The following PARP9 variants were observed in gnomAD, a reference collection of about 807,000 sequenced individuals.
PARP9 encodes the protein poly(ADP-ribose) polymerase family member 9.
A neutral mutation model predicts 68.8 loss-of-function variants in PARP9; 48 were observed. The ratio of observed to expected loss-of-function variants is 0.70; its 90% confidence interval spans 0.55 to 0.89. The LOEUF (loss-of-function observed/expected upper bound fraction) is 0.89. Ranked by LOEUF, PARP9 falls within the 40% of genes least tolerant of loss-of-function variation. The pLI is 0.00. For missense variants in PARP9, 806 were observed against 969.3 expected, an observed-to-expected ratio of 0.83 and a Z score of 2.24; for synonymous variants, 309 against 333.8, an observed-to-expected ratio of 0.93 and a Z score of 0.81.
chr3:122,564,412 C>T (rs1033814925), upstream of PARP9: 2 of 1,602,262 alleles, frequency 1.2e-6, no homozygotes, highest in Non-Finnish European at 1.7e-6. Context: ...CCGCGCCCTC[C>T]CGACGCGCAG....
chr3:122,564,257 T>TC lies in PARP9; in HGVS notation c.-103dup. On this transcript the variant is annotated 5_prime_UTR_variant, in exon 1 of 11. Transcript: ENST00000682323. ...CGGACCTACTCACCCGGCAGGCCGC[T>TC]CTCCTCGGTGCAGACAGCACAGGGA... 1 of 784,954 alleles carries TC rather than the reference T, an allele frequency of 1.3e-6. No individual in the cohort carries two copies. 48.6% of individuals were successfully genotyped at this position (784,954 alleles called of 1,614,324 possible).
chr3:122,538,912 G>A (rs1020570309), intron 8 of PARP9, among the ~76,000 whole-genome samples: 1 of 151,520 alleles, frequency 6.6e-6, no homozygotes, highest in African/African-American at 2.4e-5. Flanking sequence ...CATTTATGGC[G>A]AACTCTCGCT....
intron 5 of PARP9, among the ~76,000 whole-genome samples, chr3:122,552,041 G>A (rs1009578089): frequency 4.6e-4 from 70 of 151,490 alleles, no homozygotes; most frequent in Non-Finnish European, 7.1e-4. Flanking sequence ...TCAGCCTCCC[G>A]AGTAGCTGGG....
intron 8 of PARP9, among the ~76,000 whole-genome samples, chr3:122,539,516 T>TTTCC (rs1180104625): frequency 8.4e-5 from 2 of 23,678 alleles, no homozygotes; most frequent in African/African-American, 1.8e-4. Context: ...CATTTCTTTC[T>TTTCC]TTCTTTCTTT....
intron 10 of PARP9, chr3:122,535,292 T>C: frequency 1.0e-6 from 1 of 985,408 alleles, no homozygotes; most frequent in South Asian, 4.7e-5. Context: ...ATTGTCTATG[T>C]TCAACATTTA....
intron 7 of PARP9, among the ~76,000 whole-genome samples, chr3:122,543,146 G>A (rs1385939337): frequency 4.0e-5 from 6 of 150,766 alleles, no homozygotes; most frequent in Non-Finnish European, 5.9e-5. Context: ...CCTGACCTCA[G>A]GTGATCCACT....
chr3:122,529,427 C>G (rs1394817230), intron 10 of PARP9, among the ~76,000 whole-genome samples: 1 of 151,888 alleles, frequency 6.6e-6, no homozygotes, highest in East Asian at 1.9e-4. Flanking sequence ...CAGAGCATAA[C>G]AAAAGGAAGG....
chr3:122,542,988 C>A (rs2078378068), intron 7 of PARP9, among the ~76,000 whole-genome samples: 1 of 152,034 alleles, frequency 6.6e-6, no homozygotes, highest in Admixed American at 6.6e-5. Context: ...CTCACTGCAA[C>A]CTCCGCCTCC....
intron 8 of PARP9, among the ~76,000 whole-genome samples, chr3:122,539,496 C>A (rs1028860929): frequency 1.4e-5 from 2 of 144,636 alleles, no homozygotes; most frequent in African/African-American, 5.2e-5. Context: ...ATCTCTATCT[C>A]CCAAGATGGC....
chr3:122,540,849 G>C lies in PARP9; in HGVS notation c.1388C>G (p.Pro463Arg), dbSNP rs749112191. The part of the protein sequence containing the change: ...KMLSLNNYSV[P>R]QSTREEKREN... ...TCTTTTCTCCTCTCTGGTTGACTGG[G>C]GGACTGAAATGACTATAATAAGCAA... Residue 463 changes from proline to arginine, a missense_variant, in exon 8 of 11, where the codon CCC becomes CGC. Physicochemically the swap from Pro to Arg is moderately radical, Grantham distance 103. Coordinates refer to ENST00000682323, the MANE Select transcript of PARP9 (RefSeq NM_001146105.2). 6.2e-7 allele frequency: 1 copy of C among 1,611,514 alleles called. No homozygotes were observed. The highest frequency in any genetic ancestry group is 2.2e-5 in the East Asian group (1 of 44,854).
At chr3:122,532,271 A>T in intron 10 of PARP9, 1 of 985,338 alleles carries the variant, frequency 1.0e-6, no homozygotes, top group East Asian at 1.1e-4. Context: ...CATGGAAAAG[A>T]CATAGAGTGG....
intron 4 of PARP9, among the ~76,000 whole-genome samples, chr3:122,553,129 A>T (rs2079353681): frequency 6.6e-6 from 1 of 151,948 alleles, no homozygotes; most frequent in South Asian, 2.1e-4. Flanking sequence ...GGTTAAAGAA[A>T]CTCCAAATGG....
chr3:122,559,733 C>G, intron 1 of PARP9, 24 bp from the exon 2 acceptor site: 1 of 1,003,904 alleles, frequency 1.0e-6, no homozygotes, highest in Non-Finnish European at 1.4e-6. Flanking sequence ...AGAAAAGATG[C>G]AATAAACATT....
intron 1 of PARP9, among the ~76,000 whole-genome samples, chr3:122,561,467 A>G (rs1303121512): frequency 2.0e-5 from 3 of 151,418 alleles, no homozygotes; most frequent in Non-Finnish European, 4.4e-5. Context: ...CAAAAAAAAG[A>G]AGAGAAACTG....
At chr3:122,555,076 C>T (rs374882121) in intron 4 of PARP9, among the ~76,000 whole-genome samples, 14 of 151,946 alleles carry the variant, frequency 9.2e-5, no homozygotes, top group African/African-American at 3.4e-4. Context: ...GGTATGTTGC[C>T]TAGGCTGGCC....
At chr3:122,542,072 T>A (rs1272840616) in intron 7 of PARP9, among the ~76,000 whole-genome samples, 4 of 152,196 alleles carry the variant, frequency 2.6e-5, no homozygotes, top group Admixed American at 6.5e-5. Flanking sequence ...ATACTTTTTT[T>A]AAAACCCTTG....
rs2078135236 is a variant in PARP9, at chr3:122,540,666, T to C, written c.1571A>G (p.His524Arg). Reference sequence around the variant, plus strand: ...TTTCTGAAGCTGAGACAAAATGTCATGTTCCTTTCTCCCAAGGTACAGAAT... The same window carrying C: ...TTTCTGAAGCTGAGACAAAATGTCACGTTCCTTTCTCCCAAGGTACAGAAT... ...NHILYLGRKE[H>R]DILSQLQKTS... The change falls in exon 8 of 11, where the codon CAT (histidine) becomes CGT (arginine). Residue 524 changes from histidine (H) to arginine (R), a missense_variant. Around this residue, in one of 2 missense-constraint regions of PARP9, gnomAD observed 680 missense variants for 858.8 expected, o/e 0.79. Transcript: ENST00000682323. 1 of 1,614,220 alleles carries C rather than the reference T, an allele frequency of 6.2e-7. No individual in the cohort carries two copies. The highest frequency in any genetic ancestry group is 8.5e-7 in the Non-Finnish European group (1 of 1,180,040).
intron 10 of PARP9, among the ~76,000 whole-genome samples, chr3:122,531,196 C>A (rs932755637): frequency 2.6e-5 from 4 of 152,282 alleles, no homozygotes; most frequent in African/African-American, 9.6e-5. Context: ...CAATATTGAA[C>A]AGTGCAGCTC....
At chr3:122,564,509 G>A, upstream of PARP9, 2 of 1,612,784 alleles carry the variant, frequency 1.2e-6, no homozygotes, top group Non-Finnish European at 1.7e-6. Flanking sequence ...AAGCTGGAGA[G>A]CTACTTCCAG....
Sources: allele counts gnomAD v4.1 joint callset (sites outside exome capture counted in the v4.1 genomes callset), GRCh38; gene constraint gnomAD v4.1.1; regional missense constraint gnomAD v4.1.1; transcripts MANE v1.5; gene names NCBI Gene and HGNC (gene_info 2026-07-23, HGNC 2026-07-21).